The following FAM117A variants were observed in gnomAD, a reference collection of about 807,000 sequenced individuals.
FAM117A encodes family with sequence similarity 117 member A.
A neutral mutation model predicts 44.1 loss-of-function variants in FAM117A; 21 were observed. That is an observed-to-expected ratio of 0.48 (90% CI 0.34 to 0.69). The LOEUF is 0.69. Ranked by LOEUF, FAM117A falls within the 30% of genes least tolerant of loss-of-function variation. The pLI is 0.01. For synonymous variants in FAM117A, 220 were observed against 238.3 expected (o/e 0.92, Z 0.71); for missense variants, 498 against 589.9 (o/e 0.84, Z 1.61).
chr17:49,758,638 AAAATAAATAAATAAATAAAT>A (rs201340759), intron 1 of FAM117A, among the ~76,000 whole-genome samples: 3 of 135,186 alleles, frequency 2.2e-5, no homozygotes, highest in African/African-American at 8.7e-5. Flanking sequence ...AAAAAAAAAT[AAAATAAATAAATAAATAAAT>A]AAATAAATAA....
chr17:49,788,955 CCCCGA>C, upstream of FAM117A: 1 of 1,086,842 alleles, frequency 9.2e-7, no homozygotes, highest in Non-Finnish European at 1.3e-6. Context: ...CTTTCCGCTC[CCCCGA>C]ACCTTGTTCA....
chr17:49,734,409 A>G (rs1435141231), intron 1 of FAM117A, among the ~76,000 whole-genome samples: 1 of 151,046 alleles, frequency 6.6e-6, no homozygotes, highest in Non-Finnish European at 1.5e-5. Context: ...TGGCTAACAC[A>G]GTGAAACCCC....
intron 1 of FAM117A, among the ~76,000 whole-genome samples, chr17:49,780,361 C>T (rs1221278845): frequency 1.3e-5 from 2 of 152,158 alleles, no homozygotes; most frequent in Non-Finnish European, 2.9e-5. Context: ...ACAGAATCAT[C>T]TTCATGGTTC....
At chr17:49,749,775 C>T (rs768840041) in intron 1 of FAM117A, among the ~76,000 whole-genome samples, 2 of 147,932 alleles carry the variant, frequency 1.4e-5, no homozygotes, top group Admixed American at 6.7e-5. Context: ...CTGGGACACA[C>T]GGCAGTGGGC....
chr17:49,788,766 GC>G, upstream of FAM117A: 1 of 1,531,692 alleles, frequency 6.5e-7, no homozygotes, highest in Non-Finnish European at 8.8e-7. Context: ...CACGGAGCCC[GC>G]CGGAGCCACC....
intron 1 of FAM117A, among the ~76,000 whole-genome samples, chr17:49,746,842 C>A (rs1026021824): frequency 1.1e-4 from 16 of 152,152 alleles, no homozygotes; most frequent in Admixed American, 6.6e-5. Context: ...CAGGTGCAAA[C>A]ATGAAGGACA....
intron 1 of FAM117A, among the ~76,000 whole-genome samples, chr17:49,778,601 T>G (rs2073781313): frequency 6.6e-6 from 1 of 152,236 alleles, no homozygotes; most frequent in African/African-American, 2.4e-5. Flanking sequence ...GGCGCTATAT[T>G]TCACATGCAA....
chr17:49,733,393 A>G (rs1326931543), intron 1 of FAM117A, among the ~76,000 whole-genome samples: 1 of 152,190 alleles, frequency 6.6e-6, no homozygotes, highest in Non-Finnish European at 1.5e-5. Flanking sequence ...AAATCCATTC[A>G]TAGGCCGGGT....
rs1315019651 is a variant in FAM117A, at chr17:49,763,923, C to T, written c.165G>A (p.Pro55=). The T allele has an allele frequency of 1.6e-6, 2 of 1,213,594 alleles. No homozygotes were observed. Among genetic ancestry groups the T allele is most frequent in the Non-Finnish European group, 1.0e-6 (1 of 978,562 alleles). The allele number at this position is 1,213,594 out of a possible 1,614,324, so 75.2% of individuals were successfully genotyped here. The change falls in exon 1 of 8, where the codon CCG becomes CCA. Residue 55 remains proline, a synonymous_variant. Transcript: ENST00000240364. The stretch of plus-strand genomic sequence containing the variant: ...GGCCACCCCCGTCCCGGCGCTGGTG[C>T]GGCTGCTGCAGCTGGAAGGGGATCG... ...RATIPFQLQQ[P]HQRRDGGGRA...
intron 1 of FAM117A, among the ~76,000 whole-genome samples, chr17:49,748,246 G>C (rs2073661336): frequency 6.6e-6 from 1 of 152,108 alleles, no homozygotes; most frequent in African/African-American, 2.4e-5. Context: ...GGAAACATTG[G>C]TACATTAATT....
At chr17:49,778,371 T>C (rs915077922) in intron 1 of FAM117A, among the ~76,000 whole-genome samples, 10 of 151,776 alleles carry the variant, frequency 6.6e-5, no homozygotes, top group Non-Finnish European at 1.2e-4. Flanking sequence ...CCACAGTCTG[T>C]TTTTTAAAAA....
At chr17:49,748,636 T>C (rs1250478851) in intron 1 of FAM117A, among the ~76,000 whole-genome samples, 2 of 152,196 alleles carry the variant, frequency 1.3e-5, no homozygotes, top group African/African-American at 4.8e-5. Flanking sequence ...AATATTTTGA[T>C]GACAACTTAA....
intron 1 of FAM117A, among the ~76,000 whole-genome samples, chr17:49,783,719 C>T (rs1286529468): frequency 6.6e-6 from 1 of 152,236 alleles, no homozygotes; most frequent in Non-Finnish European, 1.5e-5. Flanking sequence ...GTCACATCAG[C>T]AACCTCTGAG....
intron 1 of FAM117A, among the ~76,000 whole-genome samples, chr17:49,772,647 G>C (rs1026774635): frequency 6.6e-6 from 1 of 152,046 alleles, no homozygotes; most frequent in Non-Finnish European, 1.5e-5. Context: ...AGCTAGTTGG[G>C]AGGCTGAGGC....
chr17:49,713,068 G>A (rs2073485979), intron 7 of FAM117A, among the ~76,000 whole-genome samples: 1 of 151,978 alleles, frequency 6.6e-6, no homozygotes, highest in Non-Finnish European at 1.5e-5. Flanking sequence ...TATTTTTTTA[G>A]TAGAGATGGG....
intron 7 of FAM117A, among the ~76,000 whole-genome samples, chr17:49,713,644 TTA>T (rs549588055): frequency 1.1e-3 from 167 of 152,120 alleles, no homozygotes; most frequent in African/African-American, 3.9e-3. Flanking sequence ...GTAGCTAGGA[TTA>T]CAGGCACCCA....
upstream of FAM117A, chr17:49,788,898 G>A (rs2073843743): frequency 6.6e-7 from 1 of 1,518,332 alleles, no homozygotes; most frequent in East Asian, 2.5e-5. Flanking sequence ...ACAGTCGATT[G>A]AGCACCGTGA....
intron 1 of FAM117A, among the ~76,000 whole-genome samples, chr17:49,756,375 G>A (rs2073698623): frequency 1.3e-5 from 2 of 152,080 alleles, no homozygotes; most frequent in Non-Finnish European, 1.5e-5. Context: ...GTGCTCTCCT[G>A]CATGTCTTCA....
chr17:49,726,273 C>T (rs1034755237), intron 2 of FAM117A, among the ~76,000 whole-genome samples: 2 of 151,956 alleles, frequency 1.3e-5, no homozygotes, highest in South Asian at 2.1e-4. Context: ...AGTGCAATGG[C>T]GCAATCTTGG....
Sources: gnomAD v4.1 joint callset for allele counts (sites outside exome capture counted in the v4.1 genomes callset) on GRCh38, gnomAD v4.1.1 for gene constraint, MANE v1.5 for transcripts, NCBI Gene and HGNC (gene_info 2026-07-23, HGNC 2026-07-21) for gene names.